Variants in TPRG1 observed in about 807,000 individuals in gnomAD.
The protein encoded by TPRG1 is tumor protein p63-regulated gene 1 protein.
Under a neutral mutation model 29.3 loss-of-function variants are expected in TPRG1, and 29 were observed. The ratio of observed to expected loss-of-function variants is 0.99; its 90% CI spans 0.74 to 1.35. TPRG1 has a LOEUF of 1.35. TPRG1 is among the 40% of genes most tolerant of loss of function. The probability of loss-of-function intolerance (pLI) is 0.00; values close to 1 mark genes in which losing one functional copy is unlikely to be tolerated. For synonymous variants in TPRG1, 130 were observed against 116.8 expected, an observed-to-expected ratio of 1.11 and a Z score of -0.73; for missense variants, 327 against 335.0, an observed-to-expected ratio of 0.98 and a Z score of 0.19.
At chr3:189,102,034 A>C (rs1719267864) in intron 1 of TPRG1, among the ~76,000 whole-genome samples, 1 of 152,134 alleles carries the variant, frequency 6.6e-6, no homozygotes, top group Admixed American at 6.5e-5. Flanking sequence ...GGATATTACT[A>C]CCATGTCTCT....
chr3:189,300,572 G>C (rs1054207181), intron 4 of TPRG1, among the ~76,000 whole-genome samples: 5 of 152,152 alleles, frequency 3.3e-5, no homozygotes, highest in Non-Finnish European at 5.9e-5. Flanking sequence ...AAGAAAGCAG[G>C]CTTAATGTTA....
intron 5 of TPRG1, among the ~76,000 whole-genome samples, chr3:189,154,728 C>G (rs527937669): frequency 3.3e-4 from 51 of 152,278 alleles, no homozygotes; most frequent in African/African-American, 1.2e-3. Flanking sequence ...CAGGCAGGAG[C>G]CACTGTGCCC....
At chr3:189,242,067 A>G (rs181896609) in intron 4 of TPRG1, among the ~76,000 whole-genome samples, 8 of 152,224 alleles carry the variant, frequency 5.3e-5, no homozygotes, top group African/African-American at 1.7e-4. Flanking sequence ...TAGTAATTTT[A>G]TTTTACTGTT....
chr3:189,224,278 C>G (rs190070883), intron 3 of TPRG1, among the ~76,000 whole-genome samples: 7 of 152,286 alleles, frequency 4.6e-5, no homozygotes, highest in Non-Finnish European at 1.0e-4. Context: ...GTCAAGAGAT[C>G]GAGACCATCC....
intron 5 of TPRG1, among the ~76,000 whole-genome samples, chr3:189,163,401 G>A (rs574442430): frequency 6.6e-6 from 1 of 152,282 alleles, no homozygotes; most frequent in South Asian, 2.1e-4. Context: ...TTTGATATGT[G>A]TTAGCTCAAG....
chr3:189,249,214 T>A (rs905143084), intron 4 of TPRG1, among the ~76,000 whole-genome samples: 1 of 151,722 alleles, frequency 6.6e-6, no homozygotes, highest in African/African-American at 2.4e-5. Flanking sequence ...TAGGATAAAT[T>A]TTTTTATTAC....
At chr3:189,025,342 C>T (rs1417202267) in intron 4 of TPRG1, among the ~76,000 whole-genome samples, 4 of 152,122 alleles carry the variant, frequency 2.6e-5, no homozygotes. Flanking sequence ...CCCTTGGCTC[C>T]GTGTTGCTCC....
At chr3:189,086,353 A>T (rs1475083838) in intron 4 of TPRG1, among the ~76,000 whole-genome samples, 1 of 142,304 alleles carries the variant, frequency 7.0e-6, no homozygotes. Flanking sequence ...ACTGATTCAA[A>T]TTTTTTTTTT....
chr3:189,089,688 A>G (rs1718210007), intron 4 of TPRG1, among the ~76,000 whole-genome samples: 1 of 152,168 alleles, frequency 6.6e-6, no homozygotes, highest in Non-Finnish European at 1.5e-5. Context: ...TTATAAAGCC[A>G]CCAGTCCCAT....
At chr3:189,282,038 G>A (rs988927389) in intron 4 of TPRG1, among the ~76,000 whole-genome samples, 12 of 151,778 alleles carry the variant, frequency 7.9e-5, no homozygotes, top group African/African-American at 2.9e-4. Flanking sequence ...CCACCACCAC[G>A]CTTGTCTAAT....
intron 4 of TPRG1, among the ~76,000 whole-genome samples, chr3:189,032,442 A>T (rs1713979424): frequency 1.3e-5 from 2 of 152,218 alleles, no homozygotes; most frequent in Non-Finnish European, 2.9e-5. Context: ...GTAATTTGTT[A>T]CAGGAGCAAT....
chr3:189,182,990 T>C (rs921978289), intron 1 of TPRG1, among the ~76,000 whole-genome samples: 3 of 152,174 alleles, frequency 2.0e-5, no homozygotes, highest in African/African-American at 7.2e-5. Context: ...TTTTCAAGTA[T>C]AAGAAAATTA....
intron 3 of TPRG1, among the ~76,000 whole-genome samples, chr3:189,140,443 C>T (rs940252535): frequency 7.2e-5 from 11 of 152,266 alleles, no homozygotes; most frequent in African/African-American, 2.2e-4. Context: ...TCCCTACACA[C>T]GGGACTTATG....
chr3:189,173,276 A>G (rs1033978747), intron 1 of TPRG1, among the ~76,000 whole-genome samples: 1 of 150,710 alleles, frequency 6.6e-6, no homozygotes, highest in Admixed American at 6.6e-5. Context: ...CCACAAATGC[A>G]TTGGGTTGTA....
chr3:189,125,210 T>C (rs754119348), intron 1 of TPRG1, among the ~76,000 whole-genome samples: 6 of 152,222 alleles, frequency 3.9e-5, no homozygotes, highest in Non-Finnish European at 7.3e-5. Context: ...ACCTGTATTA[T>C]AGAGTCAGAG....
At chr3:189,257,096 G>C (rs1183701049) in intron 4 of TPRG1, among the ~76,000 whole-genome samples, 1 of 152,150 alleles carries the variant, frequency 6.6e-6, no homozygotes, top group Non-Finnish European at 1.5e-5. Flanking sequence ...TTTCTTCATA[G>C]TGTCAATGGT....
At chr3:189,308,469 A>G (rs1721957408) in intron 4 of TPRG1, among the ~76,000 whole-genome samples, 1 of 152,236 alleles carries the variant, frequency 6.6e-6, no homozygotes, top group African/African-American at 2.4e-5. Context: ...GCTTTGCTGG[A>G]TGGCCTGAGA....
rs149754995 is a variant in TPRG1 at position 189,315,559 on chromosome 3, T to A, written c.633+5020T>A. ...GAACTGATGAATAGCAGTGAACGCA[T>A]TATGTGTGCCCTACAACCATCATGA... On this transcript the variant is annotated intron_variant, in intron 5 of 5. Transcript: ENST00000345063. 2.7e-3 allele frequency: 1,228 copies of A among 453,000 alleles called. 14 individuals are homozygous for A. The highest frequency in any genetic ancestry group is 0.021 in the African/African-American group (1,067 of 49,938). 28.1% of individuals were successfully genotyped at this position (453,000 alleles called of 1,614,324 possible). A position where few individuals can be genotyped will look rare whatever the true frequency, so the allele number is the denominator to read the frequency against.
At chr3:189,267,336 G>A (rs1037453518) in intron 4 of TPRG1, among the ~76,000 whole-genome samples, 1 of 152,164 alleles carries the variant, frequency 6.6e-6, no homozygotes, top group Non-Finnish European at 1.5e-5. Flanking sequence ...TATTTCTTTT[G>A]TTAAGTGATG....
Sources: allele counts gnomAD v4.1 joint callset (sites outside exome capture counted in the v4.1 genomes callset), GRCh38; gene constraint gnomAD v4.1.1; transcripts MANE v1.5; gene names NCBI Gene and HGNC (gene_info 2026-07-23, HGNC 2026-07-21).